Variants in PPARA observed in about 807,000 individuals in gnomAD.
PPARA encodes peroxisome proliferator-activated receptor alpha.
A neutral mutation model predicts 42.2 loss-of-function variants in PPARA; 22 were observed. That is an observed-to-expected ratio of 0.52 (90% CI 0.37 to 0.74). The LOEUF (loss-of-function observed/expected upper bound fraction) is 0.74. PPARA is among the 30% of genes least tolerant of loss of function. PPARA has a pLI of 0.00. For missense variants in PPARA, 465 were observed against 608.2 expected, an observed-to-expected ratio of 0.76 and a Z score of 2.48; for synonymous variants, 242 against 239.3, an observed-to-expected ratio of 1.01 and a Z score of -0.10.
At chr22:46,154,874 A>G (rs1925021075) in intron 2 of PPARA, 1 of 150,332 alleles carries the variant, frequency 6.7e-6, no homozygotes, top group Admixed American at 6.7e-5. Flanking sequence ...GGGTCTTGCT[A>G]TGTTGTTCAG....
At position 46,185,940 on chromosome 22, in the gene PPARA, T is replaced by A. The variant is rs1295134709; in HGVS notation, c.-43+9104T>A. 7.1e-4 allele frequency among the ~76,000 whole-genome samples: 31 copies of A among 43,448 alleles called. 2 individuals are homozygous for A. The highest frequency in any genetic ancestry group is 1.5e-3 in the African/African-American group (19 of 12,988). 28.5% of individuals were successfully genotyped at this position (43,448 alleles called of 152,430 possible). A position where few individuals can be genotyped will look rare whatever the true frequency, so the allele number is the denominator to read the frequency against. ...AAATATATATATATATATATATATA[T>A]ATATATATATATATATATATATATA... On this transcript the variant is annotated intron_variant, in intron 3 of 8. Transcript: ENST00000407236.
intron 3 of PPARA, among the ~76,000 whole-genome samples, chr22:46,181,821 C>T (rs888880222): frequency 4.6e-5 from 7 of 152,278 alleles, no homozygotes; most frequent in Non-Finnish European, 5.9e-5. Flanking sequence ...TACTGTAAGA[C>T]TCTAGTGACC....
chr22:46,201,755 C>T (rs1336776391), intron 4 of PPARA, among the ~76,000 whole-genome samples: 2 of 152,126 alleles, frequency 1.3e-5, no homozygotes, highest in African/African-American at 4.8e-5. Context: ...AGATCACCAG[C>T]CCAGAACCCA....
chr22:46,210,603 C>T (rs1933836197), intron 4 of PPARA, among the ~76,000 whole-genome samples: 1 of 151,940 alleles, frequency 6.6e-6, no homozygotes, highest in South Asian at 2.1e-4. Context: ...CCACCATGCC[C>T]AGATAATTTT....
chr22:46,194,083 G>A (rs534318908), intron 3 of PPARA, among the ~76,000 whole-genome samples: 4 of 152,196 alleles, frequency 2.6e-5, no homozygotes, highest in Non-Finnish European at 4.4e-5. Context: ...CTGGGAGGGC[G>A]TGCAGGGTGG....
At position 46,219,134 on chromosome 22, in the gene PPARA, C is replaced by G. The variant is rs1438166547; in HGVS notation, c.509-678C>G. On this transcript the variant is annotated intron_variant, in intron 6 of 8. Coordinates refer to ENST00000407236, the MANE Select transcript of PPARA (RefSeq NM_005036.6). This position sits in a 1 kb window ranked among gnomAD's most constrained non-coding sequence, Gnocchi z 4.8. ...CTGAGATCGCACCACTGCACTCCAG[C>G]CTGGGCGACAGAGTGCGACTCCGTC... Among the ~76,000 whole-genome samples the G allele has an allele frequency of 2.0e-5, 3 of 151,940 alleles. No homozygotes were observed. The highest frequency in any genetic ancestry group is 7.3e-5 in the African/African-American group (3 of 41,374).
At position 46,215,161 on chromosome 22, in the gene PPARA, CTT is replaced by C; in HGVS notation, c.209-8_209-7del. 6.2e-7 allele frequency: 1 copy of C among 1,613,448 alleles called. No individual in the cohort carries two copies. The highest frequency in any genetic ancestry group is 8.5e-7 in the Non-Finnish European group (1 of 1,179,824). ...CCTGGACTATTCATCCGTCTCTCCT[CTT>C]TTTCCCCAGACACGCTTTCACCAGC... On this transcript the variant is annotated splice_polypyrimidine_tract_variant and intron_variant, in intron 4 of 8. Coordinates refer to ENST00000407236, the MANE Select transcript of PPARA (RefSeq NM_005036.6).
rs1193547325 is a variant in PPARA, at chr22:46,182,483, C to T, written c.-43+5647C>T. Among the ~76,000 whole-genome samples, 1 of 152,126 alleles carries T rather than the reference C, an allele frequency of 6.6e-6. No homozygotes were observed. The highest frequency in any genetic ancestry group is 1.5e-5 in the Non-Finnish European group (1 of 68,032). ...TAAGTATAATACATACTGCTTGATT[C>T]TATTTGTATAAAACTAGAAAGTACA... is the stretch of plus-strand genomic sequence containing the variant. On this transcript the variant is annotated intron_variant, in intron 3 of 8. Coordinates refer to ENST00000407236, the MANE Select transcript of PPARA (RefSeq NM_005036.6). The surrounding 1 kb of genome is among the most constrained non-coding windows in gnomAD (Gnocchi z 5.2).
At position 46,219,629 on chromosome 22, in the gene PPARA, G is replaced by A. The variant is rs1396660740; in HGVS notation, c.509-183G>A. 6.6e-6 allele frequency among the ~76,000 whole-genome samples: 1 copy of A among 152,174 alleles called. No individual in the cohort carries two copies. The highest frequency in any genetic ancestry group is 1.5e-5 in the Non-Finnish European group (1 of 68,042). ...GCCTGCACCTGTTTAAACATCTACA[G>A]TGTATGGAGTTTGAGTTTTTCATCT... On this transcript the variant is annotated intron_variant, in intron 6 of 8. Transcript: ENST00000407236. This position sits in a 1 kb window ranked among gnomAD's most constrained non-coding sequence, Gnocchi z 4.8.
At chr22:46,175,796 A>T (rs1324294091) in intron 2 of PPARA, among the ~76,000 whole-genome samples, 1 of 152,052 alleles carries the variant, frequency 6.6e-6, no homozygotes, top group East Asian at 1.9e-4. Context: ...CATGAGACTC[A>T]TCCAGCTTGT....
chr22:46,218,846 AAAAG>A (rs1934746285), intron 6 of PPARA, among the ~76,000 whole-genome samples: 1 of 139,530 alleles, frequency 7.2e-6, no homozygotes, highest in African/African-American at 2.9e-5. Flanking sequence ...AAAAAAAAAA[AAAAG>A]AAAAAGAAAG....
At chr22:46,201,357 G>C (rs757363262) in intron 4 of PPARA, among the ~76,000 whole-genome samples, 19 of 152,170 alleles carry the variant, frequency 1.2e-4, no homozygotes, top group Non-Finnish European at 2.4e-4. Flanking sequence ...GCAGCTTTGG[G>C]AGTGACCCTG....
intron 3 of PPARA, among the ~76,000 whole-genome samples, chr22:46,177,730 G>A (rs1001342523): frequency 4.6e-5 from 7 of 151,226 alleles, no homozygotes; most frequent in South Asian, 2.1e-4. Context: ...GCGTGTACCC[G>A]GTGAGACAGG....
Position 46,200,557 on chromosome 22 carries a change from A to G in PPARA, c.208+1966A>G, listed in dbSNP as rs1199132195. Among the ~76,000 whole-genome samples, 1 of 152,266 alleles carries G rather than the reference A, an allele frequency of 6.6e-6. No homozygotes were observed. The highest frequency in any genetic ancestry group is 2.1e-4 in the South Asian group (1 of 4,836). ...GGACCATGATACCACAGTTGAACTT[A>G]TGGTCTATTGTTGACCAAAATGTCA... On this transcript the variant is annotated intron_variant, in intron 4 of 8. Transcript: ENST00000407236. This position sits in a 1 kb window ranked among gnomAD's most constrained non-coding sequence, Gnocchi z 4.8.
chr22:46,150,695 G>T lies in PPARA; in HGVS notation c.-210+43G>T, dbSNP rs932960494. 1.2e-3 allele frequency: 180 copies of T among 148,320 alleles called. No homozygotes were observed. The highest frequency in any genetic ancestry group is 4.1e-3 in the African/African-American group (168 of 41,006). 9.2% of individuals were successfully genotyped at this position (148,320 alleles called of 1,614,324 possible). ...GGCGGGCGGGCGGGAACGCGCGCGGGGGTCCGCGGTCCGGGCTTCCCAGGT... is the reference window on the plus strand; with the variant it reads ...GGCGGGCGGGCGGGAACGCGCGCGGTGGTCCGCGGTCCGGGCTTCCCAGGT... On this transcript the variant is annotated intron_variant, in intron 1 of 8. Coordinates refer to ENST00000407236, the MANE Select transcript of PPARA (RefSeq NM_005036.6). The surrounding 1 kb of genome is among the most constrained non-coding windows in gnomAD (Gnocchi z 7.5).
Position 46,177,006 on chromosome 22 carries a change from T to A in PPARA, c.-43+170T>A, listed in dbSNP as rs4253665. On this transcript the variant is annotated intron_variant, in intron 3 of 8. Transcript: ENST00000407236. ...CGGGCAGATCACGAGGTTAGGAGAT[T>A]GAGACCATCCTGGCTAACACAGTGA... Among the ~76,000 whole-genome samples the A allele has an allele frequency of 1.1e-4, 17 of 152,246 alleles. No homozygotes were observed. The South Asian group carries it at 1.9e-3, about 17-fold the overall frequency.
chr22:46,177,345 A>C (rs1025641537), intron 3 of PPARA, among the ~76,000 whole-genome samples: 2 of 151,738 alleles, frequency 1.3e-5, no homozygotes, highest in Non-Finnish European at 2.9e-5. Flanking sequence ...TTGGTATAAA[A>C]ATTTGATAGT....
intron 7 of PPARA, 73 bp downstream of exon 7, chr22:46,220,087 A>G: frequency 6.7e-7 from 1 of 1,492,782 alleles, no homozygotes; most frequent in Non-Finnish European, 9.3e-7. Flanking sequence ...TTAAGGACAC[A>G]TGTGTTGAAT....
At chr22:46,175,713 TA>T (rs869225389) in intron 2 of PPARA, among the ~76,000 whole-genome samples, 8,100 of 132,878 alleles carry the variant, frequency 0.061, 203 homozygotes, top group Middle Eastern at 0.084. Context: ...GACTCCATCT[TA>T]AAAAAAAAAA....
Sources: gnomAD v4.1 joint callset for allele counts (sites outside exome capture counted in the v4.1 genomes callset) on GRCh38, gnomAD v4.1.1 for gene constraint, Gnocchi (gnomAD v3.1) non-coding constraint, MANE v1.5 for transcripts, NCBI Gene and HGNC (gene_info 2026-07-23, HGNC 2026-07-21) for gene names.